The following CAPS2 variants were observed in gnomAD, a reference collection of about 807,000 sequenced individuals.
The protein encoded by CAPS2 is calcyphosin-2.
In CAPS2, 98 loss-of-function variants were observed where a neutral mutation model predicts 86.5. The ratio of observed to expected loss-of-function variants is 1.13; its 90% CI spans 0.96 to 1.34. The LOEUF is 1.34. CAPS2 is among the 40% of genes most tolerant of loss of function. The pLI is 0.00. For missense variants in CAPS2, 729 were observed against 686.8 expected (o/e 1.06, Z -0.69); for synonymous variants, 210 against 225.1 (o/e 0.93, Z 0.60).
rs758384371 is a variant in CAPS2, at chr12:75,298,775, T to C, written c.956A>G (p.Asn319Ser). 36 of 1,613,238 alleles carry C rather than the reference T, an allele frequency of 2.2e-5. No homozygotes were observed. The highest frequency in any genetic ancestry group is 2.7e-5 in the Non-Finnish European group (32 of 1,179,314). ...GCTTTTTTGAATAAAAGGAAGCACA[T>C]TTGTTCTAGAAAGTAAATGAAAAAA... The change falls in exon 11 of 17, where the codon AAT becomes AGT. Residue 319 changes from asparagine to serine, a missense_variant. By Grantham distance (46) the Asn-to-Ser change is conservative. Transcript: ENST00000393284.
At chr12:75,366,363 T>A (rs1415218534) in intron 1 of CAPS2, among the ~76,000 whole-genome samples, 1 of 152,138 alleles carries the variant, frequency 6.6e-6, no homozygotes, top group East Asian at 1.9e-4. Context: ...ACAGCAGATT[T>A]AAAGCAGGCA....
upstream of CAPS2, chr12:75,334,895 A>AATAC (rs750363096): frequency 4.1e-5 from 66 of 1,613,538 alleles, no homozygotes; most frequent in Non-Finnish European, 5.3e-5. Flanking sequence ...GCCGACATGA[A>AATAC]ATACATGGTG....
chr12:75,326,007 A>G (rs2040746239), intron 1 of CAPS2, among the ~76,000 whole-genome samples: 1 of 152,170 alleles, frequency 6.6e-6, no homozygotes, highest in South Asian at 2.1e-4. Context: ...AATAGAAGAT[A>G]TATATGAGTC....
exon 16 of CAPS2, chr12:75,282,259 A>G (rs753174404): frequency 1.3e-6 from 2 of 1,536,860 alleles, no homozygotes; most frequent in South Asian, 1.1e-5. Flanking sequence ...ACCTGAAATT[A>G]CTTGAGAATG....
At chr12:75,384,259 T>C (rs2045164448) in intron 1 of CAPS2, among the ~76,000 whole-genome samples, 1 of 152,126 alleles carries the variant, frequency 6.6e-6, no homozygotes, top group African/African-American at 2.4e-5. Flanking sequence ...GATAAGCTTC[T>C]AGCCAAGCTA....
At chr12:75,357,711 A>T (rs1348839566) in intron 1 of CAPS2, among the ~76,000 whole-genome samples, 1 of 152,090 alleles carries the variant, frequency 6.6e-6, no homozygotes, top group Non-Finnish European at 1.5e-5. Flanking sequence ...ACCATTGTCC[A>T]ATGTCCAATG....
chr12:75,326,098 C>T (rs953482845), intron 1 of CAPS2, among the ~76,000 whole-genome samples: 1 of 152,030 alleles, frequency 6.6e-6, no homozygotes, highest in Middle Eastern at 3.2e-3. Context: ...TGTTATCTGA[C>T]TTGTGCTTTT....
At chr12:75,315,844 C>CT (rs1407602559) in intron 6 of CAPS2, among the ~76,000 whole-genome samples, 1 of 152,116 alleles carries the variant, frequency 6.6e-6, no homozygotes, top group Non-Finnish European at 1.5e-5. Flanking sequence ...CTAAACCATA[C>CT]TTGCCAACCT....
chr12:75,343,950 A>G (rs768478702), intron 1 of CAPS2: 1 of 1,585,434 alleles, frequency 6.3e-7, no homozygotes, highest in South Asian at 1.1e-5. Context: ...TAAATATTTG[A>G]CATCTTTATT....
At chr12:75,317,765 T>A (rs1337866966) in intron 5 of CAPS2, among the ~76,000 whole-genome samples, 1 of 152,152 alleles carries the variant, frequency 6.6e-6, no homozygotes, top group African/African-American at 2.4e-5. Flanking sequence ...ATTATCACAA[T>A]CAAATTAATT....
chr12:75,297,845 C>G (rs1344435701), intron 11 of CAPS2, among the ~76,000 whole-genome samples: 1 of 152,126 alleles, frequency 6.6e-6, no homozygotes. Flanking sequence ...CCACCCTAAC[C>G]TATTCCCTTA....
At chr12:75,337,652 C>T (rs539941678) in intron 1 of CAPS2, among the ~76,000 whole-genome samples, 1 of 151,976 alleles carries the variant, frequency 6.6e-6, no homozygotes, top group Non-Finnish European at 1.5e-5. Flanking sequence ...GTGAAACTAC[C>T]TACCTCAAGA....
chr12:75,372,293 G>T (rs1342228842), intron 1 of CAPS2, among the ~76,000 whole-genome samples: 1 of 152,148 alleles, frequency 6.6e-6, no homozygotes, highest in African/African-American at 2.4e-5. Flanking sequence ...AATTACAGGT[G>T]TGAGCCACCA....
rs35309353 is a variant in CAPS2, at chr12:75,379,853, T to TA, written c.-395+10984dup. On this transcript the variant is annotated intron_variant, in intron 1 of 5. Transcript: ENST00000551829. The stretch of plus-strand genomic sequence containing the variant: ...TATTATTATGATGCATCCCTATCAG[T>TA]AAAAAAAAAAAAAAAAAAAAAAAAT... Among the ~76,000 whole-genome samples the TA allele has an allele frequency of 6.0e-3, 672 of 111,890 alleles. 1 individual carries two copies. The highest frequency in any genetic ancestry group is 0.018 in the East Asian group (70 of 3,960). The allele number at this position is 111,890 out of a possible 152,430, so 73.4% of individuals were successfully genotyped here. A position where few individuals can be genotyped will look rare whatever the true frequency, so the allele number is the denominator to read the frequency against.
chr12:75,298,794 G>GAA lies in CAPS2; in HGVS notation c.951-16_951-15dup. On this transcript the variant is annotated splice_polypyrimidine_tract_variant and intron_variant, in intron 10 of 16. Coordinates refer to ENST00000393284, the Ensembl canonical transcript of CAPS2. Reference sequence around the variant, plus strand: ...AGCACATTTGTTCTAGAAAGTAAATGAAAAAAAAATGGAAAGTTATTTAGC... The same window carrying GAA: ...AGCACATTTGTTCTAGAAAGTAAATGAAAAAAAAAAATGGAAAGTTATTTAGC... 1 of 1,534,072 alleles carries GAA rather than the reference G, an allele frequency of 6.5e-7. No individual in the cohort carries two copies. Among genetic ancestry groups the GAA allele is most frequent in the Non-Finnish European group, 8.9e-7 (1 of 1,120,072 alleles).
chr12:75,388,592 C>T (rs1302418271), intron 1 of CAPS2, among the ~76,000 whole-genome samples: 1 of 151,956 alleles, frequency 6.6e-6, no homozygotes, highest in Non-Finnish European at 1.5e-5. Context: ...AAAAGCAAAA[C>T]TATGAAGACA....
chr12:75,307,424 A>G (rs1212180210), intron 7 of CAPS2, among the ~76,000 whole-genome samples: 1 of 152,214 alleles, frequency 6.6e-6, no homozygotes, highest in East Asian at 1.9e-4. Flanking sequence ...AGTGATAGTA[A>G]GGGTCTGCAC....
exon 17 of CAPS2, chr12:75,277,947 T>G (rs1203027636): frequency 1.2e-6 from 1 of 848,848 alleles, no homozygotes; most frequent in African/African-American, 1.8e-5. Flanking sequence ...AATTGTTTGT[T>G]ATACTAAAAC....
rs368764060 is a variant in CAPS2, at chr12:75,279,419, ATAG to A, written c.1613-357_1613-355del. On this transcript the variant is annotated intron_variant, in intron 16 of 16. Transcript: ENST00000393284. ...GAGAATAAACAGAGGCCCATATATA[ATAG>A]TAGAAAAAGGGTCAAAAATTTCTAT... is the stretch of plus-strand genomic sequence containing the variant. 1.3e-3 allele frequency among the ~76,000 whole-genome samples: 201 copies of A among 152,094 alleles called. 2 individuals carry two copies. Among genetic ancestry groups the A allele is most frequent in the African/African-American group, 4.6e-3 (190 of 41,536 alleles).
Sources: gnomAD v4.1 joint callset for allele counts (sites outside exome capture counted in the v4.1 genomes callset) on GRCh38, gnomAD v4.1.1 for gene constraint, MANE v1.5 for transcripts, NCBI Gene and HGNC (gene_info 2026-07-23, HGNC 2026-07-21) for gene names.